The following RBBP7 variants were observed in gnomAD, a reference collection of about 807,000 sequenced individuals.
RBBP7 encodes RB binding protein 7, chromatin remodeling factor, also known as histone-binding protein RBBP7.
A neutral mutation model predicts 35.2 loss-of-function variants in RBBP7; 5 were observed. The ratio of observed to expected loss-of-function variants is 0.14; its 90% CI spans 0.07 to 0.30. RBBP7 has a LOEUF of 0.30. RBBP7 is among the 10% of genes least tolerant of loss of function. The probability of loss-of-function intolerance (pLI) is 1.00; values close to 1 mark genes in which losing one functional copy is unlikely to be tolerated. For synonymous variants in RBBP7, 140 were observed against 118.7 expected (o/e 1.18, Z -1.17); for missense variants, 155 against 327.5 (o/e 0.47, Z 4.07).
At chrX:16,854,690 G>A (rs1448108963) in intron 5 of RBBP7, among the ~76,000 whole-genome samples, 1 of 109,553 alleles carries the variant, frequency 9.1e-6, no homozygotes, top group Non-Finnish European at 1.9e-5. Flanking sequence ...TACTCTGAGA[G>A]GTCAAGGCCT....
chrX:16,854,809 A>C (rs1930306105), intron 5 of RBBP7, among the ~76,000 whole-genome samples: 1 of 108,994 alleles, frequency 9.2e-6, no homozygotes, highest in Admixed American at 9.8e-5. Flanking sequence ...CAGCCCACAA[A>C]TAAGGAGGCC....
Position 16,845,029 on chromosome X carries a change from T to C in RBBP7, c.*6A>G. On this transcript the variant is annotated 3_prime_UTR_variant, in exon 12 of 12. Transcript: ENST00000380087. The stretch of plus-strand genomic sequence containing the variant: ...ATTCAACAGAAACATTTCTCGTACT[T>C]TGGGTTTAAGATCCTTGTCCCTCCA... 8.3e-7 allele frequency: 1 copy of C among 1,198,266 alleles called. No homozygotes were observed. The highest frequency in any genetic ancestry group is 1.1e-6 in the Non-Finnish European group (1 of 884,139).
chrX:16,848,557 C>T (rs772470192), intron 10 of RBBP7: 2 of 111,896 alleles, frequency 1.8e-5, no homozygotes, highest in East Asian at 2.8e-4. Flanking sequence ...TACAAGTGTG[C>T]CAAAAATGAG....
intron 11 of RBBP7, 70 bp from the exon 12 acceptor site, chrX:16,845,173 TTAATC>T: frequency 1.3e-6 from 1 of 747,386 alleles, no homozygotes; most frequent in South Asian, 2.5e-5. Context: ...TAAAAACAAT[TTAATC>T]TATTTAGAAC....
chrX:16,862,888 A>C (rs1376045501), intron 3 of RBBP7, 67 bp downstream of exon 3: 1 of 1,118,998 alleles, frequency 8.9e-7, no homozygotes, highest in Non-Finnish European at 1.2e-6. Context: ...GTATAGTTTT[A>C]ATAGCATATG....
chrX:16,854,033 C>T (rs1446271715), intron 5 of RBBP7, among the ~76,000 whole-genome samples, 191 bp from the exon 6 acceptor site: 1 of 110,094 alleles, frequency 9.1e-6, no homozygotes, highest in Admixed American at 9.7e-5. Context: ...GTGCAAGCCA[C>T]CATGCCTGGC....
intron 2 of RBBP7, among the ~76,000 whole-genome samples, chrX:16,864,542 A>AAAAAAAAAAAAAAAAAAAAAAG (rs1569063331): frequency 2.5e-5 from 1 of 40,721 alleles, no homozygotes; most frequent in African/African-American, 1.1e-4. Flanking sequence ...AAAAAAAAAA[A>AAAAAAAAAAAAAAAAAAAAAAG]AAAAAGAAAA....
At chrX:16,866,430 G>A (rs1029725354) in intron 2 of RBBP7, among the ~76,000 whole-genome samples, 1 of 102,858 alleles carries the variant, frequency 9.7e-6, no homozygotes, top group Non-Finnish European at 2.0e-5. Flanking sequence ...GGAGGCTGAG[G>A]CAGGAGAATC....
intron 10 of RBBP7, chrX:16,848,129 T>C (rs1930127867): frequency 8.9e-6 from 1 of 112,156 alleles, no homozygotes; most frequent in African/African-American, 3.2e-5. Context: ...AGCACAGTAG[T>C]TGCCAAGGGC....
chrX:16,850,486 C>T (rs995768542), intron 9 of RBBP7, among the ~76,000 whole-genome samples: 2 of 112,986 alleles, frequency 1.8e-5, no homozygotes, highest in African/African-American at 3.2e-5. Context: ...CTTCATACAA[C>T]CTCTTTATAG....
At chrX:16,845,708 G>T in intron 11 of RBBP7, 120 bp downstream of exon 11, 4 of 1,065,652 alleles carry the variant, frequency 3.8e-6, no homozygotes, top group Non-Finnish European at 4.9e-6. Flanking sequence ...TCTTTTAAAC[G>T]GTTTCTGTAA....
intron 9 of RBBP7, among the ~76,000 whole-genome samples, chrX:16,850,256 C>T (rs1195346865): frequency 1.8e-5 from 2 of 112,638 alleles, no homozygotes; most frequent in African/African-American, 3.2e-5. Flanking sequence ...AGGTTGGTCT[C>T]GAACTCCTGG....
At chrX:16,847,680 A>G (rs1930113338) in intron 10 of RBBP7, 1 of 107,034 alleles carries the variant, frequency 9.3e-6, no homozygotes, top group African/African-American at 3.4e-5. Context: ...TCTCCCAAGT[A>G]GCTGGGACTA....
At chrX:16,868,779 G>T (rs144801315) in intron 2 of RBBP7, among the ~76,000 whole-genome samples, 1 of 112,032 alleles carries the variant, frequency 8.9e-6, no homozygotes, top group African/African-American at 3.3e-5. Flanking sequence ...TTAAAGAAAC[G>T]CATTAGTTTG....
At chrX:16,847,163 T>C (rs1057384448) in intron 10 of RBBP7, 1 of 106,291 alleles carries the variant, frequency 9.4e-6, no homozygotes, top group Admixed American at 1.0e-4. Context: ...TTTAAAGTAC[T>C]CTTAAGGGGT....
At chrX:16,854,778 C>T (rs1186298260) in intron 5 of RBBP7, among the ~76,000 whole-genome samples, 1 of 108,738 alleles carries the variant, frequency 9.2e-6, no homozygotes, top group Non-Finnish European at 1.9e-5. Context: ...GGGGCCTCTG[C>T]TTGGGCCTCA....
chrX:16,862,293 G>A (rs1327413908), intron 3 of RBBP7, among the ~76,000 whole-genome samples: 1 of 111,001 alleles, frequency 9.0e-6, no homozygotes, highest in Non-Finnish European at 1.9e-5. Flanking sequence ...CAAACTTGGG[G>A]TGGTCATGGG....
At chrX:16,857,450 C>T in intron 5 of RBBP7, 144 bp downstream of exon 5, 9 of 943,300 alleles carry the variant, frequency 9.5e-6, no homozygotes, top group Non-Finnish European at 1.3e-5. Flanking sequence ...TGAAAACCAT[C>T]TCTCTAAAGT....
At chrX:16,866,633 T>C (rs1258626752) in intron 2 of RBBP7, among the ~76,000 whole-genome samples, 1 of 106,371 alleles carries the variant, frequency 9.4e-6, no homozygotes, top group African/African-American at 3.4e-5. Flanking sequence ...CCTAACTCAA[T>C]TGAAGGACAA....
Sources: allele counts gnomAD v4.1 joint callset (sites outside exome capture counted in the v4.1 genomes callset), GRCh38; gene constraint gnomAD v4.1.1; transcripts MANE v1.5; gene names NCBI Gene and HGNC (gene_info 2026-07-23, HGNC 2026-07-21).